The following GNG12 variants were observed in gnomAD, a reference collection of about 807,000 sequenced individuals.
The protein encoded by GNG12 is guanine nucleotide-binding protein G(I)/G(S)/G(O) subunit gamma-12.
For synonymous variants in GNG12, 28 were observed against 29.7 expected (o/e 0.94, Z 0.19); for missense variants, 69 against 83.8 (o/e 0.82, Z 0.69).
intron 3 of GNG12, 23 bp downstream of exon 3, chr1:67,707,571 G>A (rs1044414633): frequency 8.2e-7 from 1 of 1,222,368 alleles, no homozygotes. Context: ...GAAAGCATAT[G>A]TTATCCAGTC....
At chr1:67,822,376 CA>C (rs1210413297) in intron 1 of GNG12, among the ~76,000 whole-genome samples, 2 of 151,990 alleles carry the variant, frequency 1.3e-5, no homozygotes, top group African/African-American at 4.8e-5. Flanking sequence ...CACAGAGACC[CA>C]GCTAGCTCCA....
At chr1:67,788,387 T>A (rs1646781841) in intron 1 of GNG12, among the ~76,000 whole-genome samples, 1 of 152,144 alleles carries the variant, frequency 6.6e-6, no homozygotes, top group Non-Finnish European at 1.5e-5. Flanking sequence ...GGCTGGAGTA[T>A]AGTGGTGCGA....
chr1:67,719,192 G>A (rs559490899), intron 2 of GNG12, among the ~76,000 whole-genome samples: 130 of 152,210 alleles, frequency 8.5e-4, no homozygotes, highest in African/African-American at 2.9e-3. Context: ...TCTCACCTGC[G>A]AGCCTCCACT....
At chr1:67,794,530 A>G (rs1236338175) in intron 1 of GNG12, among the ~76,000 whole-genome samples, 1 of 152,228 alleles carries the variant, frequency 6.6e-6, no homozygotes, top group Non-Finnish European at 1.5e-5. Context: ...GGTGGATCAC[A>G]GAGATGAAAA....
chr1:67,748,713 C>G (rs1646520828), intron 2 of GNG12, among the ~76,000 whole-genome samples: 2 of 152,284 alleles, frequency 1.3e-5, no homozygotes, highest in South Asian at 4.1e-4. Context: ...AAGCAAAACT[C>G]TCCCCCAAAC....
intron 2 of GNG12, among the ~76,000 whole-genome samples, chr1:67,749,062 C>A (rs1204770761): frequency 6.6e-6 from 1 of 151,962 alleles, no homozygotes; most frequent in Non-Finnish European, 1.5e-5. Flanking sequence ...AGGTGGGGAA[C>A]AACCAAACCC....
intron 2 of GNG12, among the ~76,000 whole-genome samples, chr1:67,776,551 T>C (rs1345389722): frequency 1.3e-5 from 2 of 152,166 alleles, no homozygotes; most frequent in East Asian, 1.9e-4. Flanking sequence ...CCAATCACCA[T>C]ATGAACAAAC....
chr1:67,826,619 A>G (rs978512185), intron 1 of GNG12, among the ~76,000 whole-genome samples: 3 of 152,180 alleles, frequency 2.0e-5, no homozygotes, highest in African/African-American at 7.2e-5. Context: ...TCAGGCACCT[A>G]GTCTAAAGGT....
chr1:67,796,099 C>T (rs1409336252), intron 1 of GNG12, among the ~76,000 whole-genome samples: 1 of 152,166 alleles, frequency 6.6e-6, no homozygotes, highest in African/African-American at 2.4e-5. Flanking sequence ...ATTTAGAAAA[C>T]CATGCCTTCT....
intron 2 of GNG12, among the ~76,000 whole-genome samples, chr1:67,727,847 G>C (rs1248787677): frequency 6.6e-6 from 1 of 152,154 alleles, no homozygotes; most frequent in Non-Finnish European, 1.5e-5. Context: ...GCATGAACCT[G>C]TTGAATTTAG....
intron 1 of GNG12, among the ~76,000 whole-genome samples, chr1:67,788,098 T>A (rs1372659447): frequency 6.6e-6 from 1 of 152,206 alleles, no homozygotes; most frequent in Non-Finnish European, 1.5e-5. Context: ...ACGGAACCTT[T>A]TGGAATAGCT....
At position 67,702,509 on chromosome 1, in the gene GNG12, A is replaced by C. The variant is rs1570468221; in HGVS notation, c.*2942T>G. 6.6e-6 allele frequency: 1 copy of C among 152,206 alleles called. No individual in the cohort carries two copies. Among genetic ancestry groups the C allele is most frequent in the African/African-American group, 2.4e-5 (1 of 41,458 alleles). 9.4% of individuals were successfully genotyped at this position (152,206 alleles called of 1,614,324 possible). ...ATTAGTAAAGTACAAAAACAGTCTA[A>C]ATAGAGAAAAAGCAAGTCAGGTCTT... On this transcript the variant is annotated 3_prime_UTR_variant, in exon 4 of 4. Coordinates refer to ENST00000370982, the MANE Select transcript of GNG12 (RefSeq NM_018841.6).
intron 2 of GNG12, among the ~76,000 whole-genome samples, chr1:67,766,106 GCACACACA>G (rs59348663): frequency 0.011 from 1,482 of 139,916 alleles, 20 homozygotes; most frequent in African/African-American, 0.033. Flanking sequence ...AGGCACACAC[GCACACACA>G]CACACACACA....
intron 1 of GNG12, among the ~76,000 whole-genome samples, chr1:67,792,573 A>C (rs896084978): frequency 6.6e-6 from 1 of 152,196 alleles, no homozygotes; most frequent in African/African-American, 2.4e-5. Context: ...CTCTAACTAA[A>C]GCCTCAAGGC....
intron 1 of GNG12, among the ~76,000 whole-genome samples, chr1:67,826,365 G>A (rs1041062476): frequency 6.6e-6 from 1 of 152,324 alleles, no homozygotes; most frequent in South Asian, 2.1e-4. Flanking sequence ...TAGCAGATGT[G>A]AGCCTCCCAT....
chr1:67,726,630 T>C (rs1188446293), intron 2 of GNG12, among the ~76,000 whole-genome samples: 2 of 152,232 alleles, frequency 1.3e-5, no homozygotes, highest in African/African-American at 2.4e-5. Flanking sequence ...CTTTCCCAAA[T>C]GTATTATCTA....
intron 1 of GNG12, among the ~76,000 whole-genome samples, chr1:67,809,235 A>T (rs2265759): frequency 6.6e-6 from 1 of 151,770 alleles, no homozygotes; most frequent in Non-Finnish European, 1.5e-5. Context: ...CCCTGCCCCC[A>T]CCAAAAAAGA....
At chr1:67,748,156 T>G (rs986875754) in intron 2 of GNG12, among the ~76,000 whole-genome samples, 5 of 152,118 alleles carry the variant, frequency 3.3e-5, no homozygotes, top group African/African-American at 1.2e-4. Flanking sequence ...ACTTTCCTTT[T>G]TGTGGGGGCA....
intron 1 of GNG12, among the ~76,000 whole-genome samples, chr1:67,782,662 A>C (rs1646744106): frequency 6.6e-6 from 1 of 152,238 alleles, no homozygotes; most frequent in Non-Finnish European, 1.5e-5. Context: ...AGACAGTATA[A>C]ATTTTAAAAA....
Sources: allele counts gnomAD v4.1 joint callset (sites outside exome capture counted in the v4.1 genomes callset), GRCh38; gene constraint gnomAD v4.1.1; transcripts MANE v1.5; gene names NCBI Gene and HGNC (gene_info 2026-07-23, HGNC 2026-07-21).